SBSN: variants seen among roughly 807,000 people sequenced by gnomAD.
The protein encoded by SBSN is suprabasin.
In SBSN, 33 loss-of-function variants were observed where a neutral mutation model predicts 42.8. The observed-to-expected ratio is 0.77, with a 90% confidence interval of 0.58 to 1.03. SBSN has a LOEUF of 1.03. Among genes scored for constraint, SBSN ranks in the 50% least tolerant of loss-of-function variants. The pLI is 0.00. For synonymous variants in SBSN, 276 were observed against 307.0 expected, an observed-to-expected ratio of 0.90 and a Z score of 1.06; for missense variants, 646 against 757.3, an observed-to-expected ratio of 0.85 and a Z score of 1.72.
chr19:35,524,619 C>G (rs58183088), intron 3 of SBSN, 92 bp downstream of exon 3: 1 of 1,412,826 alleles, frequency 7.1e-7, no homozygotes. Flanking sequence ...TCTGCCCGCC[C>G]GGGGAGCTGT....
At chr19:35,524,644 G>GGAAGGGGT (rs2071347910) in intron 3 of SBSN, 67 bp downstream of exon 3, 2 of 1,565,862 alleles carry the variant, frequency 1.3e-6, no homozygotes, top group South Asian at 2.2e-5. Context: ...ACAGACACCG[G>GGAAGGGGT]GAAGGGGTCG....
At chr19:35,525,040 A>C in intron 1 of SBSN, 116 bp from the exon 2 acceptor site, 1 of 1,062,366 alleles carries the variant, frequency 9.4e-7, no homozygotes, top group Non-Finnish European at 1.4e-6. Context: ...TGGGAGGCAC[A>C]GCTTAACCCA....
chr19:35,527,443 T>C lies in SBSN; in HGVS notation c.839A>G (p.Gln280Arg). 6.3e-7 allele frequency: 1 copy of C among 1,584,856 alleles called. No individual in the cohort carries two copies. The highest frequency in any genetic ancestry group is 8.5e-7 in the Non-Finnish European group (1 of 1,174,346). Residue 280 changes from glutamine (Q) to arginine (R), a missense_variant, in exon 1 of 4, where the codon CAG becomes CGG. Gln to Arg is a conservative substitution (Grantham distance 43). This residue lies in a region of SBSN where 220 missense variants were observed against 334.5 expected (regional missense o/e 0.66). Coordinates refer to ENST00000452271, the MANE Select transcript of SBSN (RefSeq NM_001166034.2). ...CTGACCAGCAGTATGGTGGACCCCC[T>C]GGCCAAACTTCTCTGTCTCCTTCCA... ...EGWKETEKFG[Q>R]GVHHTAGQVG...
chr19:35,526,350 C>T (rs1209904115), intron 1 of SBSN, among the ~76,000 whole-genome samples: 2 of 152,086 alleles, frequency 1.3e-5, no homozygotes, highest in Admixed American at 1.3e-4. Flanking sequence ...TCATGGGCCC[C>T]ACTTGAGGCC....
At chr19:35,524,994 G>A in intron 1 of SBSN, 70 bp from the exon 2 acceptor site, 1 of 1,536,834 alleles carries the variant, frequency 6.5e-7, no homozygotes, top group Non-Finnish European at 8.9e-7. Flanking sequence ...CTTTTCCCCA[G>A]GGACCTGGTC....
At position 35,524,750 on chromosome 19, in the gene SBSN, C is replaced by T. The variant is rs17705633; in HGVS notation, c.1710G>A (p.Ser570=). The T allele has an allele frequency of 0.17, 269,790 of 1,613,430 alleles. 24,220 individuals are homozygous for T. Among genetic ancestry groups the T allele is most frequent in the Non-Finnish European group, 0.18 (217,604 of 1,179,572 alleles). ...ATTTPLASGA[S]VNTPFINLPA... ...GAAGGTTGATGAAAGGCGTGTTGAC[C>T]GAGGCCTGCAATTCAAGGACAAGAA... The change falls in exon 3 of 4, where the codon TCG becomes TCA. Residue 570 remains serine (S), a synonymous_variant. Transcript: ENST00000452271.
rs560689247 is a variant in SBSN at position 35,526,605 on chromosome 19, A to G, written c.1638+39T>C. 11 of 427,194 alleles carry G rather than the reference A, an allele frequency of 2.6e-5. No individual in the cohort carries two copies. The East Asian group carries it at 2.9e-4, about 11-fold the overall frequency. The allele number at this position is 427,194 out of a possible 1,614,324, so 26.5% of individuals were successfully genotyped here. Reference sequence around the variant, plus strand: ...AGGGGTTTAACCTTTCCCTCCCCCAACCCCCCTGTCCCCCATCTCCCCATC... The same window carrying G: ...AGGGGTTTAACCTTTCCCTCCCCCAGCCCCCCTGTCCCCCATCTCCCCATC... On this transcript the variant is annotated intron_variant, in intron 1 of 3. Transcript: ENST00000452271.
Position 35,528,142 on chromosome 19 carries a change from ACC to A in SBSN, c.138_139del (p.Glu46AspfsTer27). The stretch of plus-strand genomic sequence containing the variant: ...GTTGATGCCATCCAGGGCCTTGCCC[ACC>A]TCTCTCTCTGCATTGCTCAGCCCTC... On this transcript the variant is annotated frameshift_variant, in exon 1 of 4. Coordinates refer to ENST00000452271, the MANE Select transcript of SBSN (RefSeq NM_001166034.2). LOFTEE classifies it high-confidence loss of function. 1 of 1,613,654 alleles carries A rather than the reference ACC, an allele frequency of 6.2e-7. No individual in the cohort carries two copies. The highest frequency in any genetic ancestry group is 1.3e-5 in the African/African-American group (1 of 74,872).
chr19:35,526,622 C>CAA, intron 1 of SBSN, 22 bp downstream of exon 1: 2 of 617,174 alleles, frequency 3.2e-6, no homozygotes, highest in Non-Finnish European at 5.5e-6. Context: ...TGTCCCCCAT[C>CAA]TCCCCATCCC....
Position 35,527,431 on chromosome 19 carries a change from T to C in SBSN, c.851A>G (p.His284Arg), listed in dbSNP as rs575787923. The C allele has an allele frequency of 1.3e-6, 2 of 1,585,488 alleles. No homozygotes were observed. The highest frequency in any genetic ancestry group is 1.4e-5 in the African/African-American group (1 of 72,722). ...ETEKFGQGVH[H>R]TAGQVGKEAE... ...CTCCTTCCCAACCTGACCAGCAGTA[T>C]GGTGGACCCCCTGGCCAAACTTCTC... The change falls in exon 1 of 4, where the codon CAT becomes CGT. Residue 284 changes from histidine to arginine, a missense_variant. His to Arg is a conservative substitution (Grantham distance 29). Transcript: ENST00000452271.
rs770551630 is a variant in SBSN at position 35,524,886 on chromosome 19, C to T, written c.1677G>A (p.Gly559=). The stretch of plus-strand genomic sequence containing the variant: ...CAGAGGCTAACGGCGTGGTTGTGGC[C>T]CCTCCTTGATGGCTGGAAGATCCGC... The part of the protein sequence containing the change: ...HQSGSSSHQG[G]ATTTPLASGA... Residue 559 remains glycine, a synonymous_variant, in exon 2 of 4, where the codon GGG becomes GGA. Transcript: ENST00000452271. 1 of 1,613,964 alleles carries T rather than the reference C, an allele frequency of 6.2e-7. No individual in the cohort carries two copies. The highest frequency in any genetic ancestry group is 8.5e-7 in the Non-Finnish European group (1 of 1,180,006).
In SBSN at chr19:35,528,269, G is replaced by C; in HGVS notation, c.13C>G (p.Arg5Gly). 6.2e-7 allele frequency: 1 copy of C among 1,609,500 alleles called. No individual in the cohort carries two copies. Residue 5 changes from arginine (R) to glycine (G), a missense_variant, in exon 1 of 4, where the codon CGT (arginine) becomes GGT (glycine). Physicochemically the swap from Arg to Gly is moderately radical, Grantham distance 125. Around this residue, in one of 3 missense-constraint regions of SBSN, gnomAD observed 190 missense variants for 197.1 expected, o/e 0.96. Coordinates refer to ENST00000452271, the MANE Select transcript of SBSN (RefSeq NM_001166034.2). The part of the protein sequence containing the change: MHLA[R>G]LVGSCSLLLL... ...AGGAGGGAGCAGGAGCCGACCAGAC[G>C]TGCAAGATGCATATTGCTGGGAAGG...
intron 1 of SBSN, among the ~76,000 whole-genome samples, chr19:35,525,543 G>A (rs1352808598): frequency 2.0e-5 from 3 of 150,192 alleles, no homozygotes; most frequent in Non-Finnish European, 4.4e-5. Context: ...GCAGATCCAG[G>A]ACCCCTCATG....
At chr19:35,526,514 A>G in intron 1 of SBSN, 130 bp downstream of exon 1, 1 of 854,162 alleles carries the variant, frequency 1.2e-6, no homozygotes, top group Non-Finnish European at 1.8e-6. Flanking sequence ...ACCCAGTGAT[A>G]TAGCTGCCCA....
In SBSN at chr19:35,526,750, T is replaced by C; in HGVS notation, c.1532A>G (p.Lys511Arg). The change falls in exon 1 of 4, where the codon AAG (lysine) becomes AGG (arginine). Residue 511 changes from lysine to arginine, a missense_variant. This residue lies in a region of SBSN where 236 missense variants were observed against 225.6 expected (regional missense o/e 1.05). Transcript: ENST00000452271. ...AADQAGKEVE[K>R]LGQGAHHAAG... ...AGCATGGTGGGCACCTTGGCCAAGC[T>C]TCTCCACTTCCTTTCCAGCCTGGTC... The C allele has an allele frequency of 1.2e-6, 2 of 1,612,872 alleles. No homozygotes were observed.
intron 1 of SBSN, 85 bp downstream of exon 1, chr19:35,526,559 C>T: frequency 8.4e-7 from 1 of 1,196,820 alleles, no homozygotes; most frequent in Non-Finnish European, 1.1e-6. Context: ...ACGCGGACCC[C>T]CCCGCCCCGC....
At position 35,526,736 on chromosome 19, in the gene SBSN, C is replaced by A. The variant is rs1398380480; in HGVS notation, c.1546G>T (p.Ala516Ser). The change falls in exon 1 of 4, where the codon GCC becomes TCC. Residue 516 changes from alanine (A) to serine (S), a missense_variant. Ala to Ser is a moderately conservative substitution (Grantham distance 99, BLOSUM62 1). Transcript: ENST00000452271. ...GKEVEKLGQG[A>S]HHAAGQAGKE... The stretch of plus-strand genomic sequence containing the variant: ...CCGGCCTGGCCAGCAGCATGGTGGG[C>A]ACCTTGGCCAAGCTTCTCCACTTCC... 6.2e-7 allele frequency: 1 copy of A among 1,614,000 alleles called. No individual in the cohort carries two copies.
intron 3 of SBSN, 73 bp downstream of exon 3, chr19:35,524,609 TCTGCCCGCCCGGGGAGCTGTCCAAACAGA>T: frequency 7.9e-7 from 1 of 1,270,870 alleles, no homozygotes; most frequent in South Asian, 1.3e-5. Flanking sequence ...AGGCTGCAGG[TCTGCCCGCCCGGGGAGCTGTCCAAACAGA>T]CACCGGGAAG....
chr19:35,528,082 T>C lies in SBSN; in HGVS notation c.200A>G (p.Lys67Arg). The change falls in exon 1 of 4, where the codon AAG (lysine) becomes AGG (arginine). Residue 67 changes from lysine (K) to arginine (R), a missense_variant. Lys to Arg is a conservative substitution (Grantham distance 26). Coordinates refer to ENST00000452271, the MANE Select transcript of SBSN (RefSeq NM_001166034.2). ...CATGTTGCTAAGTCCGTTGAAAACC[T>C]TCTCCACTTCCCTTCCGGCATGCGT... is the stretch of plus-strand genomic sequence containing the variant. ...GITHAGREVE[K>R]VFNGLSNMGS... 6.2e-7 allele frequency: 1 copy of C among 1,614,048 alleles called. No homozygotes were observed. The highest frequency in any genetic ancestry group is 8.5e-7 in the Non-Finnish European group (1 of 1,180,034).
Sources: gnomAD v4.1 joint callset for allele counts (sites outside exome capture counted in the v4.1 genomes callset) on GRCh38, gnomAD v4.1.1 for gene constraint, gnomAD v4.1.1 regional missense constraint, MANE v1.5 for transcripts, NCBI Gene and HGNC (gene_info 2026-07-23, HGNC 2026-07-21) for gene names.